BAZ2A: variants seen among roughly 807,000 people sequenced by gnomAD.
BAZ2A encodes bromodomain adjacent to zinc finger domain protein 2A.
BAZ2A carries 34 observed loss-of-function variants against 199.9 expected under a neutral mutation model. That is an observed-to-expected ratio of 0.17 (90% CI 0.13 to 0.23). The LOEUF is 0.23. Ranked by LOEUF, BAZ2A falls within the 10% of genes least tolerant of loss-of-function variation. The pLI is 1.00. For synonymous variants in BAZ2A, 857 were observed against 883.9 expected, an observed-to-expected ratio of 0.97 and a Z score of 0.54; for missense variants, 2,002 against 2,391.1, an observed-to-expected ratio of 0.84 and a Z score of 3.39.
rs1173946512 is a variant in BAZ2A, at chr12:56,601,553, G to A, written c.4064C>T (p.Ser1355Phe). Residue 1355 changes from serine to phenylalanine, a missense_variant, in exon 20 of 29, where the codon TCC (serine) becomes TTC (phenylalanine). By Grantham distance (155) the Ser-to-Phe change is radical. Around this residue, in one of 6 missense-constraint regions of BAZ2A, gnomAD observed 1,081 missense variants for 1,274.7 expected, o/e 0.85. Coordinates refer to ENST00000549884, the MANE Select transcript of BAZ2A (RefSeq NM_001300905.2). ...PTPSPQQLAS[S>F]KPMNRPSAAN... ...CTAATTCTGGCTACTTACTGGCTTG[G>A]AGGAGGCAAGCTGCTGAGGGGAGGG... 6.2e-7 allele frequency: 1 copy of A among 1,612,322 alleles called. No individual in the cohort carries two copies. Among genetic ancestry groups the A allele is most frequent in the Non-Finnish European group, 8.5e-7 (1 of 1,179,676 alleles).
chr12:56,610,304 AGACAAT>A, intron 8 of BAZ2A, 89 bp from the exon 9 acceptor site: 1 of 1,569,810 alleles, frequency 6.4e-7, no homozygotes, highest in Admixed American at 1.7e-5. Context: ...GGCCCAGAGC[AGACAAT>A]GCCAGCCTGT....
chr12:56,601,711 G>C lies in BAZ2A; in HGVS notation c.3906C>G (p.Pro1302=). Residue 1302 remains proline (P), a synonymous_variant, in exon 20 of 29, where the codon CCC becomes CCG. Transcript: ENST00000549884. ...CCTCATCAGGCTCTGGCTCCTCCGG[G>C]GGTTGTGATGGAGCTGGGTCTAGTT... The part of the protein sequence containing the change: ...PGKLDPAPSQ[P]PEEPEPDEAE... 6.2e-7 allele frequency: 1 copy of C among 1,613,956 alleles called. No individual in the cohort carries two copies.
At position 56,604,813 on chromosome 12, in the gene BAZ2A, A is replaced by G. The variant is rs1350325631; in HGVS notation, c.2749-14T>C. On this transcript the variant is annotated splice_polypyrimidine_tract_variant and intron_variant, in intron 14 of 28. Coordinates refer to ENST00000549884, the MANE Select transcript of BAZ2A (RefSeq NM_001300905.2). ...GATCTTTAGGGACTGTGTGGAGGACAGCATAATGGGGGTGAGTAGGGAAAG... is the reference window on the plus strand; with the variant it reads ...GATCTTTAGGGACTGTGTGGAGGACGGCATAATGGGGGTGAGTAGGGAAAG... 6.2e-7 allele frequency: 1 copy of G among 1,610,958 alleles called. No homozygotes were observed.
At chr12:56,624,847 A>C (rs148736161) in intron 1 of BAZ2A, among the ~76,000 whole-genome samples, 38 of 152,304 alleles carry the variant, frequency 2.5e-4, no homozygotes, top group Non-Finnish European at 4.6e-4. Context: ...ATTTGAGTCC[A>C]GGACCTGGAG....
At chr12:56,621,091 T>C (rs1565832255) in intron 1 of BAZ2A, 1 of 985,286 alleles carries the variant, frequency 1.0e-6, no homozygotes, top group South Asian at 4.7e-5. Context: ...GATCCTCACC[T>C]CTCCTCTCCC....
Position 56,604,775 on chromosome 12 carries a change from C to A in BAZ2A, c.2773G>T (p.Val925Leu), listed in dbSNP as rs201075316. The A allele has an allele frequency of 1.2e-6, 2 of 1,613,764 alleles. No individual in the cohort carries two copies. Among genetic ancestry groups the A allele is most frequent in the Non-Finnish European group, 1.7e-6 (2 of 1,179,840 alleles). ...TCTCTTGTCAGTGGGATCTCAGACA[C>A]CTTCTCCCCCAAGATCTTTAGGGAC... ...CQSLKILGEK[V>L]SEIPLTRDNV... The change falls in exon 15 of 29, where the codon GTG (valine) becomes TTG (leucine). Residue 925 changes from valine (V) to leucine (L), a missense_variant. Physicochemically the swap from Val to Leu is conservative, Grantham distance 32. Coordinates refer to ENST00000549884, the MANE Select transcript of BAZ2A (RefSeq NM_001300905.2).
At chr12:56,622,898 C>A (rs1010572273) in intron 1 of BAZ2A, among the ~76,000 whole-genome samples, 2 of 152,140 alleles carry the variant, frequency 1.3e-5, no homozygotes, top group African/African-American at 4.8e-5. Flanking sequence ...TCTCCCAGTT[C>A]CAATCAAAGA....
In BAZ2A at chr12:56,596,268, G is replaced by C. The variant is rs1276895826; in HGVS notation, c.*2350C>G. On this transcript the variant is annotated 3_prime_UTR_variant, in exon 29 of 29. Coordinates refer to ENST00000549884, the MANE Select transcript of BAZ2A (RefSeq NM_001300905.2). ...AGGGAAGCAAAAGGGCAGGGGGTGG[G>C]TTGTCTTTTTATTTTAAACCTGCTT... 1.3e-5 allele frequency: 2 copies of C among 152,680 alleles called. No individual in the cohort carries two copies. Among genetic ancestry groups the C allele is most frequent in the Admixed American group, 6.5e-5 (1 of 15,290 alleles). 9.5% of individuals were successfully genotyped at this position (152,680 alleles called of 1,614,324 possible). A position where few individuals can be genotyped will look rare whatever the true frequency, so the allele number is the denominator to read the frequency against.
intron 21 of BAZ2A, 26 bp from the exon 22 acceptor site, chr12:56,601,124 G>A (rs890680795): frequency 1.2e-6 from 2 of 1,613,660 alleles, no homozygotes; most frequent in Admixed American, 3.3e-5. Context: ...ATATATGTGG[G>A]GCGCCAGCTG....
intron 19 of BAZ2A, 43 bp downstream of exon 19, chr12:56,602,670 G>A (rs1950215776): frequency 6.3e-7 from 1 of 1,589,774 alleles, no homozygotes; most frequent in Non-Finnish European, 8.6e-7. Flanking sequence ...TTTAATTCTT[G>A]TTTGATAGGA....
At chr12:56,626,504 ATGAACC>A (rs1951100560) in intron 1 of BAZ2A, among the ~76,000 whole-genome samples, 1 of 152,218 alleles carries the variant, frequency 6.6e-6, no homozygotes, top group East Asian at 1.9e-4. Context: ...AGACTACAAG[ATGAACC>A]CTTCATTCTA....
At position 56,597,802 on chromosome 12, in the gene BAZ2A, G is replaced by A. The variant is rs1414665666; in HGVS notation, c.*816C>T. On this transcript the variant is annotated 3_prime_UTR_variant, in exon 29 of 29. Transcript: ENST00000549884. ...AAGGAGGTGGGGAAGGAGGCTGGAA[G>A]GCCCAGGAAGCCTCCCTGCCCTCTC... is the stretch of plus-strand genomic sequence containing the variant. The A allele has an allele frequency of 6.5e-6, 1 of 152,696 alleles. No homozygotes were observed. The highest frequency in any genetic ancestry group is 1.5e-5 in the Non-Finnish European group (1 of 68,106). The allele number at this position is 152,696 out of a possible 1,614,324, so 9.5% of individuals were successfully genotyped here.
chr12:56,608,866 GCT>G (rs1491323438), intron 10 of BAZ2A, among the ~76,000 whole-genome samples: 1 of 122,396 alleles, frequency 8.2e-6, no homozygotes, highest in African/African-American at 4.2e-5. Flanking sequence ...ACCGTGCCTG[GCT>G]TTTTTTTTTT....
intron 2 of BAZ2A, among the ~76,000 whole-genome samples, chr12:56,615,928 G>A (rs1389404361): frequency 6.6e-6 from 1 of 152,000 alleles, no homozygotes; most frequent in Non-Finnish European, 1.5e-5. Context: ...GTTTTGAGAC[G>A]GAATCTCGCT....
In BAZ2A at chr12:56,598,861, T is replaced by C. The variant is rs1404954006; in HGVS notation, c.5546+7A>G. The C allele has an allele frequency of 5.0e-6, 8 of 1,606,756 alleles. No homozygotes were observed. Among genetic ancestry groups the C allele is most frequent in the Non-Finnish European group, 6.8e-6 (8 of 1,176,628 alleles). On this transcript the variant is annotated splice_region_variant and intron_variant, in intron 28 of 28. Transcript: ENST00000549884. Reference sequence around the variant, plus strand: ...AAAGACCGGGCGGTTCACCCACATCTACTTACCCTCCCCTGAGCAGCCGCT... The same window carrying C: ...AAAGACCGGGCGGTTCACCCACATCCACTTACCCTCCCCTGAGCAGCCGCT...
upstream of BAZ2A, among the ~76,000 whole-genome samples, chr12:56,637,515 T>C (rs1387760713): frequency 6.6e-6 from 1 of 152,232 alleles, no homozygotes; most frequent in Non-Finnish European, 1.5e-5. Context: ...TTATTTAGGC[T>C]TGCCCAAAAT....
At chr12:56,614,909 C>G (rs1217455088) in intron 3 of BAZ2A, 105 bp downstream of exon 3, 12 of 1,189,660 alleles carry the variant, frequency 1.0e-5, no homozygotes, top group Non-Finnish European at 1.4e-5. Flanking sequence ...AATCAGCCTC[C>G]ACTGCAGAGA....
At position 56,602,797 on chromosome 12, in the gene BAZ2A, G is replaced by A. The variant is rs761021816; in HGVS notation, c.3340C>T (p.Leu1114=). 5.0e-6 allele frequency: 8 copies of A among 1,613,862 alleles called. No homozygotes were observed. In the East Asian group the frequency reaches 1.6e-4, roughly 31 times the overall value. ...CGACGTCTGTAGCGGTCCTGACCCA[G>A]GGAGACCGCCCGAAGCATCTGGGAT... ...HSSQMLRAVS[L]GQDRYRRRYW... is the part of the protein sequence containing the mutation. The change falls in exon 19 of 29, where the codon CTG becomes TTG. Residue 1114 remains leucine, a synonymous_variant. Transcript: ENST00000549884.
chr12:56,609,765 T>G lies in BAZ2A; in HGVS notation c.2063A>C (p.Asn688Thr). 1.2e-6 allele frequency: 2 copies of G among 1,613,854 alleles called. No homozygotes were observed. Among genetic ancestry groups the G allele is most frequent in the Non-Finnish European group, 1.7e-6 (2 of 1,179,838 alleles). ...GGCCTCCAGTTTCTTTAGGGGGCGG[T>G]TGTCTGTCTTGTTCAATAGCTCAGT... Reference protein sequence around the residue: ...KITELLNKTDNRPLKKLEAQE... With the variant: ...KITELLNKTDTRPLKKLEAQE... Residue 688 changes from asparagine (N) to threonine (T), a missense_variant, in exon 10 of 29, where the codon AAC becomes ACC. Physicochemically the swap from Asn to Thr is moderately conservative, Grantham distance 65. Coordinates refer to ENST00000549884, the MANE Select transcript of BAZ2A (RefSeq NM_001300905.2).
Sources: allele counts gnomAD v4.1 joint callset (sites outside exome capture counted in the v4.1 genomes callset), GRCh38; gene constraint gnomAD v4.1.1; regional missense constraint gnomAD v4.1.1; transcripts MANE v1.5; gene names NCBI Gene and HGNC (gene_info 2026-07-23, HGNC 2026-07-21).